Variants in SORBS2 observed in about 807,000 individuals in gnomAD.
SORBS2 encodes sorbin and SH3 domain containing 2, also known as sorbin and SH3 domain-containing protein 2.
Under a neutral mutation model 97.7 loss-of-function variants are expected in SORBS2, and 46 were observed. The ratio of observed to expected loss-of-function variants is 0.47; its 90% CI spans 0.37 to 0.60. The LOEUF is 0.60. Ranked by LOEUF, SORBS2 falls within the 20% of genes least tolerant of loss-of-function variation. SORBS2 has a pLI of 0.00. For synonymous variants in SORBS2, 476 were observed against 473.4 expected, an observed-to-expected ratio of 1.01 and a Z score of -0.07; for missense variants, 1,316 against 1,282.3, an observed-to-expected ratio of 1.03 and a Z score of -0.40.
At chr4:185,746,187 A>G (rs2098758992) in intron 2 of SORBS2, among the ~76,000 whole-genome samples, 1 of 152,032 alleles carries the variant, frequency 6.6e-6, no homozygotes, top group African/African-American at 2.4e-5. Flanking sequence ...GAATTCAAAC[A>G]CTCGTAGTTG....
At chr4:185,689,947 A>T (rs1477634182) in intron 2 of SORBS2, among the ~76,000 whole-genome samples, 1 of 152,226 alleles carries the variant, frequency 6.6e-6, no homozygotes, top group African/African-American at 2.4e-5. Context: ...TTATAAGCCA[A>T]ATTATTTCTA....
intron 13 of SORBS2, 180 bp from the exon 26 acceptor site, chr4:185,589,965 G>A (rs1286764438): frequency 2.1e-6 from 1 of 482,164 alleles, no homozygotes; most frequent in Non-Finnish European, 3.7e-6. Flanking sequence ...TGGTAAGCAG[G>A]TACATAGCAA....
intron 1 of SORBS2, among the ~76,000 whole-genome samples, chr4:185,867,299 C>T (rs754828060): frequency 5.3e-5 from 8 of 152,164 alleles, no homozygotes; most frequent in East Asian, 1.9e-4. Flanking sequence ...CATGAGCCAC[C>T]GCGCCTGGCC....
chr4:185,851,541 A>G (rs752803622), intron 1 of SORBS2, among the ~76,000 whole-genome samples: 2 of 152,076 alleles, frequency 1.3e-5, no homozygotes, highest in African/African-American at 2.4e-5. Context: ...AAGACTTGTG[A>G]TGGTTAATAC....
intron 3 of SORBS2, among the ~76,000 whole-genome samples, chr4:185,649,160 T>C (rs73030037): frequency 0.035 from 5,323 of 152,282 alleles, 284 homozygotes; most frequent in African/African-American, 0.12. Flanking sequence ...TAACCTGGTA[T>C]GCCAAAGGAA....
rs1022325285 is a variant in SORBS2 at position 185,623,432 on chromosome 4, G to T, written c.1697C>A (p.Pro566Gln). 1.2e-6 allele frequency: 2 copies of T among 1,611,476 alleles called. No homozygotes were observed. The highest frequency in any genetic ancestry group is 8.5e-7 in the Non-Finnish European group (1 of 1,179,996). ...TGTGGTAAATCGAGTGTAGGAGGCC[G>T]GGCACCTGCCTTTGCAGGAGCTGAT... The change falls in exon 7 of 15, where the codon CCG becomes CAG. Residue 566 changes from proline (P) to glutamine (Q), a missense_variant. Pro to Gln is a moderately conservative substitution (Grantham distance 76). Transcript: ENST00000418609. The surrounding 1 kb of genome is among the most constrained non-coding windows in gnomAD (Gnocchi z 6.4).
At chr4:185,939,415 G>T (rs1272645423) in intron 1 of SORBS2, among the ~76,000 whole-genome samples, 2 of 152,160 alleles carry the variant, frequency 1.3e-5, no homozygotes, top group African/African-American at 4.8e-5. Context: ...AAAACAGTGT[G>T]TTCTTTGGCC....
intron 4 of SORBS2, among the ~76,000 whole-genome samples, chr4:185,637,279 C>T (rs1302723001): frequency 1.3e-5 from 2 of 152,204 alleles, no homozygotes; most frequent in Admixed American, 6.5e-5. Context: ...CAGTTGCCTA[C>T]AGTATGGAGT....
intron 2 of SORBS2, among the ~76,000 whole-genome samples, chr4:185,681,310 A>G (rs915010198): frequency 1.3e-5 from 2 of 152,036 alleles, no homozygotes; most frequent in African/African-American, 4.8e-5. Context: ...TTATCCCTGC[A>G]GGAAAGACTA....
At chr4:185,753,691 T>C (rs887374220) in intron 2 of SORBS2, among the ~76,000 whole-genome samples, 1 of 152,228 alleles carries the variant, frequency 6.6e-6, no homozygotes, top group African/African-American at 2.4e-5. Context: ...CCAAAAGACA[T>C]ACATGTAATT....
intron 1 of SORBS2, among the ~76,000 whole-genome samples, chr4:185,946,171 C>T (rs995766732): frequency 1.6e-5 from 2 of 125,406 alleles, no homozygotes; most frequent in Admixed American, 1.1e-4. Flanking sequence ...CACATCCGTA[C>T]AGCACCCATA....
At chr4:185,773,341 T>C (rs1371384489) in intron 2 of SORBS2, 1 of 152,222 alleles carries the variant, frequency 6.6e-6, no homozygotes, top group Non-Finnish European at 1.5e-5. Context: ...TTGACATGCT[T>C]CTTATAATGT....
At chr4:185,816,929 T>C (rs899304568) in intron 1 of SORBS2, among the ~76,000 whole-genome samples, 2 of 152,202 alleles carry the variant, frequency 1.3e-5, no homozygotes, top group Admixed American at 6.5e-5. Context: ...CCATTAGTTG[T>C]TCCTAGAACC....
At chr4:185,646,307 AT>A (rs1561638539) in intron 4 of SORBS2, 1 of 163,176 alleles carries the variant, frequency 6.1e-6, no homozygotes, top group Non-Finnish European at 1.3e-5. Context: ...CTGATTAATG[AT>A]TAGGCACAGT....
intron 12 of SORBS2, among the ~76,000 whole-genome samples, chr4:185,604,139 T>C (rs2153386062): frequency 6.6e-6 from 1 of 152,218 alleles, no homozygotes; most frequent in East Asian, 1.9e-4. Context: ...TTTTAATTTG[T>C]TTTTCTCCTC....
intron 1 of SORBS2, among the ~76,000 whole-genome samples, chr4:185,907,444 A>T (rs1039353855): frequency 1.3e-5 from 2 of 152,186 alleles, no homozygotes; most frequent in African/African-American, 4.8e-5. Context: ...GGTGTTATTT[A>T]CCGTCTTTAT....
At chr4:185,641,506 C>T (rs1186359468) in intron 4 of SORBS2, among the ~76,000 whole-genome samples, 2 of 152,130 alleles carry the variant, frequency 1.3e-5, no homozygotes, top group Non-Finnish European at 2.9e-5. Context: ...AGCCTCGCAA[C>T]AGTCAGTGAC....
At chr4:185,836,255 G>C (rs755686406) in intron 1 of SORBS2, among the ~76,000 whole-genome samples, 1 of 152,154 alleles carries the variant, frequency 6.6e-6, no homozygotes, top group East Asian at 1.9e-4. Context: ...ATACTGACCT[G>C]CTGAGGCTAA....
At chr4:185,754,452 A>G (rs1179593020) in intron 2 of SORBS2, among the ~76,000 whole-genome samples, 1 of 152,200 alleles carries the variant, frequency 6.6e-6, no homozygotes, top group Admixed American at 6.5e-5. Context: ...AAACCTGCAC[A>G]TGTACCCCTG....
Sources: gnomAD v4.1 joint callset for allele counts (sites outside exome capture counted in the v4.1 genomes callset) on GRCh38, gnomAD v4.1.1 for gene constraint, Gnocchi (gnomAD v3.1) non-coding constraint, MANE v1.5 for transcripts, NCBI Gene and HGNC (gene_info 2026-07-23, HGNC 2026-07-21) for gene names.